Variants in PDE1C observed in about 807,000 individuals in gnomAD.
The protein encoded by PDE1C is dual specificity calcium/calmodulin-dependent 3',5'-cyclic nucleotide phosphodiesterase 1C.
A neutral mutation model predicts 93.1 loss-of-function variants in PDE1C; 62 were observed. The ratio of observed to expected loss-of-function variants is 0.67; its 90% CI spans 0.54 to 0.82. PDE1C has a LOEUF of 0.82. Ranked by LOEUF, PDE1C falls within the 40% of genes least tolerant of loss-of-function variation. The probability of loss-of-function intolerance (pLI) is 0.00; values close to 1 mark genes in which losing one functional copy is unlikely to be tolerated. For missense variants in PDE1C, 742 were observed against 884.6 expected (o/e 0.84, Z 2.04); for synonymous variants, 325 against 310.1 (o/e 1.05, Z -0.50).
chr7:32,086,122 A>G (rs1448054161), intron 3 of PDE1C, among the ~76,000 whole-genome samples: 1 of 147,880 alleles, frequency 6.8e-6, no homozygotes, highest in Non-Finnish European at 1.5e-5. Context: ...TTCAGCCCAA[A>G]ATCTCCTTAA....
At chr7:31,658,511 T>C in the PDE1C span, 4 of 858,678 alleles carry the variant, frequency 4.7e-6, no homozygotes, top group South Asian at 1.7e-4. Flanking sequence ...AGAAAAAGTT[T>C]TAGAGTGTTT....
chr7:31,930,872 A>AAAAAAAAAAAAAAAAAAAT (rs1404409205), intron 2 of PDE1C, among the ~76,000 whole-genome samples: 1 of 149,834 alleles, frequency 6.7e-6, no homozygotes, highest in Non-Finnish European at 1.5e-5. Flanking sequence ...AAAAAAAAAA[A>AAAAAAAAAAAAAAAAAAAT]AAAAGCTTAT....
At chr7:31,645,673 T>C in the PDE1C span, among the ~76,000 whole-genome samples, 7 of 152,028 alleles carry the variant, frequency 4.6e-5, no homozygotes, top group East Asian at 1.3e-3. Flanking sequence ...AAGTAAATGG[T>C]TTTCAACTGG....
intron 2 of PDE1C, among the ~76,000 whole-genome samples, chr7:32,047,707 T>TG (rs145598301): frequency 0.014 from 2,138 of 151,600 alleles, 19 homozygotes; most frequent in Middle Eastern, 0.038. Flanking sequence ...TTGAAAGCTG[T>TG]GGGTTTTTTT....
At chr7:31,857,565 G>A (rs975676724) in intron 7 of PDE1C, among the ~76,000 whole-genome samples, 2 of 152,100 alleles carry the variant, frequency 1.3e-5, no homozygotes, top group African/African-American at 2.4e-5. Flanking sequence ...TCAAAGAGGT[G>A]GGAAGGACAC....
chr7:31,933,761 C>A (rs1169799637), intron 2 of PDE1C, among the ~76,000 whole-genome samples: 2 of 152,184 alleles, frequency 1.3e-5, no homozygotes, highest in African/African-American at 4.8e-5. Context: ...AAGTGTGTGG[C>A]ACCTCCCCAC....
At chr7:32,018,457 A>G (rs1443405225) in intron 2 of PDE1C, among the ~76,000 whole-genome samples, 1 of 152,190 alleles carries the variant, frequency 6.6e-6, no homozygotes, top group African/African-American at 2.4e-5. Context: ...AAGTCTGGCA[A>G]ACTCACAGAA....
At chr7:32,246,572 C>T (rs1373978509) in intron 1 of PDE1C, among the ~76,000 whole-genome samples, 1 of 152,106 alleles carries the variant, frequency 6.6e-6, no homozygotes, top group Non-Finnish European at 1.5e-5. Flanking sequence ...TGAGCCTACA[C>T]AGAATGTGAG....
intron 14 of PDE1C, among the ~76,000 whole-genome samples, chr7:31,816,843 C>G (rs1788328111): frequency 6.6e-6 from 1 of 151,938 alleles, no homozygotes; most frequent in Non-Finnish European, 1.5e-5. Context: ...GGCCAGGTAC[C>G]TGGTCTGTGT....
intron 2 of PDE1C, among the ~76,000 whole-genome samples, chr7:31,904,067 CTGG>C (rs1800295626): frequency 6.6e-6 from 1 of 152,056 alleles, no homozygotes; most frequent in Non-Finnish European, 1.5e-5. Flanking sequence ...TGAACTTTGG[CTGG>C]TGGGAAAATT....
At chr7:32,426,814 T>C (rs1785543019) in intron 1 of PDE1C, among the ~76,000 whole-genome samples, 2 of 152,218 alleles carry the variant, frequency 1.3e-5, no homozygotes, top group African/African-American at 4.8e-5. Flanking sequence ...TCCTCATCTC[T>C]CAGTAAGTTA....
At chr7:31,642,574 C>T in the PDE1C span, 4 of 991,374 alleles carry the variant, frequency 4.0e-6, no homozygotes, top group East Asian at 1.0e-4. Context: ...GATGTTGCAA[C>T]CCTTATCTCC....
chr7:31,641,441 T>C, the PDE1C span, among the ~76,000 whole-genome samples: 1 of 152,008 alleles, frequency 6.6e-6, no homozygotes, highest in South Asian at 2.1e-4. Context: ...GAGCCTATAC[T>C]GTGGTATAAC....
chr7:31,639,443 T>A, the PDE1C span, among the ~76,000 whole-genome samples: 32 of 152,046 alleles, frequency 2.1e-4, no homozygotes, highest in Middle Eastern at 3.2e-3. Flanking sequence ...TGGGTTTTTT[T>A]TAAATATCTT....
intron 2 of PDE1C, among the ~76,000 whole-genome samples, chr7:31,918,385 G>C (rs947583064): frequency 6.6e-6 from 1 of 152,142 alleles, no homozygotes; most frequent in Non-Finnish European, 1.5e-5. Flanking sequence ...TATATGTCAC[G>C]CATGTACCCT....
intron 1 of PDE1C, among the ~76,000 whole-genome samples, chr7:32,266,441 T>C (rs192631827): frequency 6.7e-6 from 1 of 148,182 alleles, no homozygotes; most frequent in Admixed American, 6.7e-5. Flanking sequence ...GCAGAGGTTG[T>C]GGTGAGCCGA....
intron 16 of PDE1C, among the ~76,000 whole-genome samples, chr7:31,792,211 C>T (rs1179412647): frequency 2.0e-5 from 3 of 152,042 alleles, no homozygotes; most frequent in Admixed American, 6.6e-5. Flanking sequence ...CCCTAAGGTC[C>T]CTATATCATA....
chr7:32,206,203 GAT>G (rs1226900814), intron 2 of PDE1C, among the ~76,000 whole-genome samples: 1 of 152,102 alleles, frequency 6.6e-6, no homozygotes, highest in Non-Finnish European at 1.5e-5. Flanking sequence ...GACCTTTGAG[GAT>G]ATATTCTGGG....
At chr7:32,098,828 T>C (rs910174408) in intron 3 of PDE1C, among the ~76,000 whole-genome samples, 8 of 152,222 alleles carry the variant, frequency 5.3e-5, no homozygotes, top group Non-Finnish European at 7.3e-5. Context: ...ATTTTTCATT[T>C]GAAATGCTGA....
Sources: allele counts gnomAD v4.1 joint callset (sites outside exome capture counted in the v4.1 genomes callset), GRCh38; gene constraint gnomAD v4.1.1; transcripts MANE v1.5; gene names NCBI Gene and HGNC (gene_info 2026-07-23, HGNC 2026-07-21).